The following KMT2C variants were observed in gnomAD, a reference collection of about 807,000 sequenced individuals.
KMT2C encodes the protein lysine methyltransferase 2C, also known as histone-lysine N-methyltransferase 2C.
Under a neutral mutation model 507.9 loss-of-function variants are expected in KMT2C, and 88 were observed. The observed-to-expected ratio is 0.17, with a 90% CI of 0.15 to 0.21. The LOEUF (loss-of-function observed/expected upper bound fraction) is 0.21. Among genes scored for constraint, KMT2C ranks in the 10% least tolerant of loss-of-function variants. The probability of loss-of-function intolerance (pLI) is 1.00; values close to 1 mark genes in which losing one functional copy is unlikely to be tolerated. For synonymous variants in KMT2C, 2,049 were observed against 2,080.8 expected, an observed-to-expected ratio of 0.98 and a Z score of 0.42; for missense variants, 4,954 against 5,957.8, an observed-to-expected ratio of 0.83 and a Z score of 5.55.
chr7:152,260,198 T>C (rs1588672212), intron 9 of KMT2C, among the ~76,000 whole-genome samples: 1 of 152,160 alleles, frequency 6.6e-6, no homozygotes, highest in Non-Finnish European at 1.5e-5. Context: ...CACACTATAG[T>C]CCCTTCATAG....
At chr7:152,151,721 C>T (rs1423948658) in intron 49 of KMT2C, 140 bp from the exon 50 acceptor site, 3 of 591,862 alleles carry the variant, frequency 5.1e-6, no homozygotes, top group African/African-American at 3.8e-5. Flanking sequence ...AATTTATCTT[C>T]TAAGCAATGG....
chr7:152,400,373 A>G (rs1350061645), intron 1 of KMT2C, among the ~76,000 whole-genome samples: 1 of 152,228 alleles, frequency 6.6e-6, no homozygotes, highest in African/African-American at 2.4e-5. Context: ...AGTGAAGCAC[A>G]TAAAGTATTT....
At chr7:152,146,930 T>G (rs1587669736) in intron 52 of KMT2C, among the ~76,000 whole-genome samples, 195 bp from the exon 53 acceptor site, 2 of 152,148 alleles carry the variant, frequency 1.3e-5, no homozygotes, top group South Asian at 4.1e-4. Flanking sequence ...TTTAAAGACC[T>G]AAATTTTGGG....
chr7:152,177,114 G>T lies in KMT2C; in HGVS notation c.8339C>A (p.Pro2780Gln). 1 of 1,612,438 alleles carries T rather than the reference G, an allele frequency of 6.2e-7. No individual in the cohort carries two copies. ...KSMFNEELDL[P>Q]IDDKLDNQCV... The stretch of plus-strand genomic sequence containing the variant: ...CTGATTATCTAACTTATCATCAATT[G>T]GAAGGTCTAGTTCCTCATTAAACAT... Residue 2780 changes from proline to glutamine, a missense_variant, in exon 38 of 59, where the codon CCA becomes CAA. Physicochemically the swap from Pro to Gln is moderately conservative, Grantham distance 76 (BLOSUM62 -1). Coordinates refer to ENST00000262189, the MANE Select transcript of KMT2C (RefSeq NM_170606.3).
chr7:152,136,958 C>A (rs2089923727), intron 58 of KMT2C, 34 bp from the exon 59 acceptor site: 1 of 1,536,492 alleles, frequency 6.5e-7, no homozygotes, highest in Non-Finnish European at 9.0e-7. Context: ...TAAGAAAGGA[C>A]AGCAAGGAAG....
intron 42 of KMT2C, among the ~76,000 whole-genome samples, chr7:152,166,064 T>C (rs1207442565): frequency 2.0e-5 from 3 of 152,068 alleles, no homozygotes; most frequent in Non-Finnish European, 4.4e-5. Context: ...TTCAGAAAGA[T>C]GTAGATAAGA....
Position 152,136,883 on chromosome 7 carries a change from G to T in KMT2C, c.14685C>A (p.His4895Gln). The stretch of plus-strand genomic sequence containing the variant: ...CAGCTCCACAGTGACACGGAATCTT[G>T]TGCTGGTCATCTTCAAAGTCAAACT... ...DYKFDFEDDQHKIPCHCGAVN... is the reference protein window; with the variant it reads ...DYKFDFEDDQQKIPCHCGAVN... Residue 4895 changes from histidine (H) to glutamine (Q), a missense_variant, in exon 59 of 59, where the codon CAC becomes CAA. Transcript: ENST00000262189. 1.2e-6 allele frequency: 2 copies of T among 1,613,508 alleles called. No homozygotes were observed.
At chr7:152,365,051 A>G (rs1301022722) in intron 1 of KMT2C, among the ~76,000 whole-genome samples, 1 of 152,176 alleles carries the variant, frequency 6.6e-6, no homozygotes, top group Non-Finnish European at 1.5e-5. Flanking sequence ...AAGAAAATAC[A>G]CATTGCTTAA....
intron 6 of KMT2C, among the ~76,000 whole-genome samples, chr7:152,276,559 C>A (rs1269955184): frequency 6.6e-6 from 1 of 152,048 alleles, no homozygotes; most frequent in Non-Finnish European, 1.5e-5. Flanking sequence ...TAGAAACCAG[C>A]CTGGGCAACA....
chr7:152,243,555 G>T (rs1287071476), intron 14 of KMT2C, among the ~76,000 whole-genome samples: 1 of 152,182 alleles, frequency 6.6e-6, no homozygotes, highest in Non-Finnish European at 1.5e-5. Flanking sequence ...GACAAGGCGG[G>T]TGGATCACCT....
intron 2 of KMT2C, among the ~76,000 whole-genome samples, chr7:152,357,829 G>A (rs1470856794): frequency 1.3e-5 from 2 of 152,120 alleles, no homozygotes; most frequent in African/African-American, 4.8e-5. Context: ...CTGGAAAAAT[G>A]TATTTTAAAA....
At chr7:152,203,579 T>C (rs967317716) in intron 25 of KMT2C, among the ~76,000 whole-genome samples, 25 of 152,178 alleles carry the variant, frequency 1.6e-4, no homozygotes, top group African/African-American at 6.0e-4. Context: ...CTAATAAATA[T>C]GCAATGAACA....
At chr7:152,419,278 G>A (rs2097764707) in intron 1 of KMT2C, among the ~76,000 whole-genome samples, 1 of 152,080 alleles carries the variant, frequency 6.6e-6, no homozygotes, top group South Asian at 2.1e-4. Flanking sequence ...TTGAACTCGG[G>A]AGGCGGAGAT....
intron 53 of KMT2C, among the ~76,000 whole-genome samples, chr7:152,145,643 T>G (rs918668462): frequency 6.6e-6 from 1 of 152,260 alleles, no homozygotes; most frequent in African/African-American, 2.4e-5. Flanking sequence ...ATGTAATGAT[T>G]CGCATTGAGT....
At chr7:152,364,613 AAAAAAAAGAAAAG>A (rs2097223103) in intron 1 of KMT2C, among the ~76,000 whole-genome samples, 1 of 151,194 alleles carries the variant, frequency 6.6e-6, no homozygotes, top group South Asian at 2.1e-4. Context: ...CGTCTCCAAA[AAAAAAAAGAAAAG>A]AAAAAAAGAA....
chr7:152,157,783 T>C, intron 44 of KMT2C: 2 of 1,297,660 alleles, frequency 1.5e-6, no homozygotes, highest in Non-Finnish European at 2.0e-6. Flanking sequence ...CTGAGAATAG[T>C]AGTCCGAAAC....
chr7:152,258,870 G>C (rs2095707958), intron 9 of KMT2C, among the ~76,000 whole-genome samples: 2 of 152,120 alleles, frequency 1.3e-5, no homozygotes, highest in African/African-American at 4.8e-5. Flanking sequence ...CTGAGGAAAA[G>C]CAAGATATTT....
chr7:152,277,319 T>C (rs558126213), intron 6 of KMT2C, among the ~76,000 whole-genome samples: 15 of 152,086 alleles, frequency 9.9e-5, no homozygotes, highest in African/African-American at 3.4e-4. Context: ...AGAACAAAGA[T>C]GGAAAGTAAG....
Position 152,215,874 on chromosome 7 carries a change from A to G in KMT2C, c.3712+4649T>C, listed in dbSNP as rs180861010. Among the ~76,000 whole-genome samples, 42 of 152,140 alleles carry G rather than the reference A, an allele frequency of 2.8e-4. 1 individual carries two copies. Among genetic ancestry groups the G allele is most frequent in the Admixed American group, 2.6e-3 (39 of 15,282 alleles). ...AGACTTCACTGTTTACCTTTTAATTATTTTCCAATTTTAAATCATTTGAAT... is the reference window on the plus strand; with the variant it reads ...AGACTTCACTGTTTACCTTTTAATTGTTTTCCAATTTTAAATCATTTGAAT... On this transcript the variant is annotated intron_variant, in intron 23 of 58. Coordinates refer to ENST00000262189, the MANE Select transcript of KMT2C (RefSeq NM_170606.3).
Sources: gnomAD v4.1 joint callset for allele counts (sites outside exome capture counted in the v4.1 genomes callset) on GRCh38, gnomAD v4.1.1 for gene constraint, MANE v1.5 for transcripts, NCBI Gene and HGNC (gene_info 2026-07-23, HGNC 2026-07-21) for gene names.